TRIP4: variants seen among roughly 807,000 people sequenced by gnomAD.
The protein encoded by TRIP4 is thyroid hormone receptor interactor 4, also known as activating signal cointegrator 1.
Under a neutral mutation model 81.8 loss-of-function variants are expected in TRIP4, and 54 were observed. That is an observed-to-expected ratio of 0.66 (90% CI 0.53 to 0.83). The LOEUF is 0.83. Among genes scored for constraint, TRIP4 ranks in the 40% least tolerant of loss-of-function variants. TRIP4 has a pLI of 0.00. For synonymous variants in TRIP4, 270 were observed against 242.8 expected (o/e 1.11, Z -1.04); for missense variants, 662 against 683.6 (o/e 0.97, Z 0.35).
At chr15:64,404,842 T>G (rs1348840295) in intron 5 of TRIP4, among the ~76,000 whole-genome samples, 1 of 151,758 alleles carries the variant, frequency 6.6e-6, no homozygotes, top group East Asian at 1.9e-4. Flanking sequence ...TGTACCACCG[T>G]GTCTGGCTAA....
intron 12 of TRIP4, 182 bp downstream of exon 12, chr15:64,445,290 C>CTT: frequency 2.6e-6 from 1 of 389,594 alleles, no homozygotes; most frequent in Non-Finnish European, 4.6e-6. Flanking sequence ...CTTTTCTTTT[C>CTT]TTTTTTTTTG....
intron 4 of TRIP4, among the ~76,000 whole-genome samples, chr15:64,398,939 CTTTTTTTTTTTTTTTT>C (rs71133424): frequency 3.8e-5 from 3 of 79,256 alleles, no homozygotes; most frequent in East Asian, 3.4e-4. Context: ...TTCTTTTTTC[CTTTTTTTTTTTTTTTT>C]TTTTTTTTTT....
At chr15:64,420,127 T>C (rs537966402) in intron 9 of TRIP4, among the ~76,000 whole-genome samples, 39 of 151,234 alleles carry the variant, frequency 2.6e-4, no homozygotes, top group Non-Finnish European at 4.0e-4. Flanking sequence ...TTCTTTCTTT[T>C]TTTTTTTTTT....
In TRIP4 at chr15:64,429,317, C is replaced by CA. The variant is rs201520082; in HGVS notation, c.1575+3694dup. ...GAGTGACAAGAGCAAAATTCTGTCT[C>CA]AAAAAAAATAAAATAAAAATAAAAA... On this transcript the variant is annotated intron_variant, in intron 11 of 12. Coordinates refer to ENST00000261884, the MANE Select transcript of TRIP4 (RefSeq NM_016213.5). Among the ~76,000 whole-genome samples, 1,407 of 150,956 alleles carry CA rather than the reference C, an allele frequency of 9.3e-3. 20 individuals are homozygous for CA. Among genetic ancestry groups the CA allele is most frequent in the African/African-American group, 0.032 (1,325 of 41,128 alleles).
At chr15:64,444,937 ATCT>A in intron 11 of TRIP4, 66 bp from the exon 12 acceptor site, 4 of 801,602 alleles carry the variant, frequency 5.0e-6, no homozygotes, top group South Asian at 4.9e-5. Context: ...AATCTGGGAC[ATCT>A]TCTGTTCTCC....
At chr15:64,392,778 C>A (rs757337910) in intron 1 of TRIP4, among the ~76,000 whole-genome samples, 1 of 152,024 alleles carries the variant, frequency 6.6e-6, no homozygotes, top group African/African-American at 2.4e-5. Context: ...CCATGCCTGG[C>A]TAATTTTAAT....
At chr15:64,439,779 C>T (rs1210471976) in intron 11 of TRIP4, among the ~76,000 whole-genome samples, 1 of 151,856 alleles carries the variant, frequency 6.6e-6, no homozygotes, top group Admixed American at 6.6e-5. Context: ...CTGTCTCGGC[C>T]TCCCAAAGTG....
intron 8 of TRIP4, among the ~76,000 whole-genome samples, chr15:64,415,665 C>T (rs1891878940): frequency 6.6e-6 from 1 of 152,116 alleles, no homozygotes. Context: ...GATTTAGGGC[C>T]TACTATAATC....
At chr15:64,414,267 C>G (rs1891838914) in intron 8 of TRIP4, 56 bp downstream of exon 8, 3 of 1,604,688 alleles carry the variant, frequency 1.9e-6, no homozygotes, top group Non-Finnish European at 2.6e-6. Context: ...ATTTTGCCTT[C>G]TTTTAAGTAT....
chr15:64,447,139 A>G (rs1199418346), intron 12 of TRIP4, among the ~76,000 whole-genome samples: 1 of 152,018 alleles, frequency 6.6e-6, no homozygotes, highest in Admixed American at 6.6e-5. Context: ...ACAAACAAAA[A>G]AAACACACAT....
chr15:64,435,507 C>G (rs978929551), intron 11 of TRIP4, among the ~76,000 whole-genome samples: 1 of 129,202 alleles, frequency 7.7e-6, no homozygotes, highest in Non-Finnish European at 1.6e-5. Context: ...ACCTGGGCGA[C>G]AGAGTGAGAC....
chr15:64,400,625 C>T (rs916740327), intron 4 of TRIP4, 118 bp from the exon 5 acceptor site: 1 of 730,656 alleles, frequency 1.4e-6, no homozygotes, highest in South Asian at 1.9e-5. Flanking sequence ...TAAAAAACAC[C>T]AATAGTCTCA....
chr15:64,435,101 A>G (rs547996326), intron 11 of TRIP4, among the ~76,000 whole-genome samples: 1 of 151,568 alleles, frequency 6.6e-6, no homozygotes, highest in South Asian at 2.1e-4. Flanking sequence ...CTGTAAACCC[A>G]ACTACTAAGG....
rs112525760 is a variant in TRIP4, at chr15:64,416,565, T to A, written c.1171-1976T>A. Among the ~76,000 whole-genome samples the A allele has an allele frequency of 2.1e-3, 317 of 152,066 alleles. 1 individual carries two copies. The highest frequency in any genetic ancestry group is 5.3e-3 in the African/African-American group (221 of 41,486). ...GAGCAAGACAGTGTCTCAAAAAAAA[T>A]TTTTTTTAAAGAAATTATTTATTTA... On this transcript the variant is annotated intron_variant, in intron 8 of 12. Transcript: ENST00000261884.
chr15:64,414,755 G>T (rs1018132344), intron 8 of TRIP4, among the ~76,000 whole-genome samples: 1 of 151,892 alleles, frequency 6.6e-6, no homozygotes, highest in African/African-American at 2.4e-5. Flanking sequence ...CTGACCTCGT[G>T]ATCTACCTGC....
At chr15:64,422,715 A>G (rs533258741) in intron 9 of TRIP4, among the ~76,000 whole-genome samples, 99 of 152,348 alleles carry the variant, frequency 6.5e-4, no homozygotes, top group African/African-American at 2.2e-3. Flanking sequence ...CTGTTATTCA[A>G]ATTTTCTCAC....
chr15:64,397,768 A>G lies in TRIP4; in HGVS notation c.568A>G (p.Ile190Val), dbSNP rs1900336960. 2.5e-6 allele frequency: 4 copies of G among 1,614,210 alleles called. No individual in the cohort carries two copies. The highest frequency in any genetic ancestry group is 1.7e-5 in the Admixed American group (1 of 60,020). The change falls in exon 4 of 13, where the codon ATT becomes GTT. Residue 190 changes from isoleucine (I) to valine (V), a missense_variant. Coordinates refer to ENST00000261884, the MANE Select transcript of TRIP4 (RefSeq NM_016213.5). ...CAATAACTGTCTGATCTGTGGGCGC[A>G]TTGTCTGTGAACAAGAAGGCTCAGG... ...LINNCLICGR[I>V]VCEQEGSGPC...
At chr15:64,437,527 CTG>C (rs556283495) in intron 11 of TRIP4, among the ~76,000 whole-genome samples, 171 of 150,504 alleles carry the variant, frequency 1.1e-3, no homozygotes, top group African/African-American at 4.0e-3. Flanking sequence ...GAGTCTCACT[CTG>C]TCGTGCAGGC....
intron 12 of TRIP4, among the ~76,000 whole-genome samples, chr15:64,447,130 C>CAA (rs2140314864): frequency 6.6e-6 from 1 of 150,844 alleles, no homozygotes; most frequent in African/African-American, 2.5e-5. Context: ...AAAACAAAAA[C>CAA]AAACAAAAAA....
Sources: gnomAD v4.1 joint callset for allele counts (sites outside exome capture counted in the v4.1 genomes callset) on GRCh38, gnomAD v4.1.1 for gene constraint, MANE v1.5 for transcripts, NCBI Gene and HGNC (gene_info 2026-07-23, HGNC 2026-07-21) for gene names.